Variants in SFMBT2 observed in about 807,000 individuals in gnomAD.
The protein encoded by SFMBT2 is Scm like with four mbt domains 2, also known as scm-like with four MBT domains protein 2.
SFMBT2 carries 38 observed loss-of-function variants against 110.1 expected under a neutral mutation model. The observed-to-expected ratio is 0.35, with a 90% CI of 0.27 to 0.45. SFMBT2 has a LOEUF of 0.45. SFMBT2 is among the 20% of genes least tolerant of loss of function. The pLI, the probability that SFMBT2 is intolerant of heterozygous loss-of-function variation, is 1.00. For missense variants in SFMBT2, 1,011 were observed against 1,094.9 expected, an observed-to-expected ratio of 0.92 and a Z score of 1.08; for synonymous variants, 425 against 425.4, an observed-to-expected ratio of 1.00 and a Z score of 0.01.
intron 7 of SFMBT2, among the ~76,000 whole-genome samples, chr10:7,270,956 G>A (rs1036764912): frequency 6.6e-6 from 1 of 152,092 alleles, no homozygotes; most frequent in Non-Finnish European, 1.5e-5. Context: ...CTAAAAAAGT[G>A]TGCATGTCCA....
intron 15 of SFMBT2, among the ~76,000 whole-genome samples, chr10:7,189,690 C>T (rs1044148200): frequency 1.3e-5 from 2 of 152,162 alleles, no homozygotes; most frequent in East Asian, 1.9e-4. Context: ...AGGAACAAGA[C>T]GGGGGAGCAC....
At chr10:7,164,115 A>G in intron 20 of SFMBT2, 2 of 985,422 alleles carry the variant, frequency 2.0e-6, no homozygotes, top group Non-Finnish European at 1.2e-6. Flanking sequence ...AGCCGGGCAC[A>G]GTGGCTCACG....
chr10:7,175,542 G>C (rs1485219446), intron 17 of SFMBT2, among the ~76,000 whole-genome samples: 2 of 152,166 alleles, frequency 1.3e-5, no homozygotes, highest in Non-Finnish European at 2.9e-5. Flanking sequence ...GTCTAAACAT[G>C]AGAAGCCGAT....
intron 15 of SFMBT2, among the ~76,000 whole-genome samples, chr10:7,195,018 C>A (rs924593428): frequency 2.0e-5 from 3 of 152,224 alleles, no homozygotes; most frequent in Non-Finnish European, 4.4e-5. Flanking sequence ...GGCTTGCAGG[C>A]AGCTTCGAAG....
intron 15 of SFMBT2, among the ~76,000 whole-genome samples, chr10:7,193,234 C>T (rs1293254445): frequency 1.3e-5 from 2 of 152,194 alleles, no homozygotes; most frequent in African/African-American, 4.8e-5. Flanking sequence ...AGTGGAGAGC[C>T]CCTGCCTGCT....
At chr10:7,393,835 C>T (rs191941771) in intron 1 of SFMBT2, among the ~76,000 whole-genome samples, 2 of 152,254 alleles carry the variant, frequency 1.3e-5, no homozygotes, top group Admixed American at 1.3e-4. Flanking sequence ...AACAGCAAAA[C>T]AGAAGATACA....
chr10:7,182,799 T>C (rs766035163), intron 16 of SFMBT2, among the ~76,000 whole-genome samples: 1 of 151,322 alleles, frequency 6.6e-6, no homozygotes. Context: ...CACACCAACA[T>C]GGCACATGTA....
chr10:7,246,138 G>C (rs1246210346), intron 8 of SFMBT2: 3 of 984,728 alleles, frequency 3.0e-6, no homozygotes, highest in Non-Finnish European at 3.6e-6. Context: ...TGGTCAATAA[G>C]AGGAGGGGTG....
intron 7 of SFMBT2, among the ~76,000 whole-genome samples, chr10:7,259,801 C>CACACCA (rs1404734605): frequency 2.0e-5 from 3 of 152,198 alleles, no homozygotes; most frequent in Non-Finnish European, 4.4e-5. Flanking sequence ...TTGGTGTGAT[C>CACACCA]AGCAGTGCCA....
chr10:7,214,388 A>G (rs1839461384), intron 11 of SFMBT2, among the ~76,000 whole-genome samples: 1 of 152,262 alleles, frequency 6.6e-6, no homozygotes, highest in African/African-American at 2.4e-5. Context: ...AAAGGCCAGC[A>G]TAACAGCATG....
At chr10:7,385,726 A>T (rs577042211) in intron 1 of SFMBT2, among the ~76,000 whole-genome samples, 1 of 152,152 alleles carries the variant, frequency 6.6e-6, no homozygotes, top group Non-Finnish European at 1.5e-5. Context: ...CTGGCCAGGC[A>T]CAGTGGCTCA....
intron 4 of SFMBT2, among the ~76,000 whole-genome samples, chr10:7,361,846 T>C (rs1564458355): frequency 6.6e-6 from 1 of 152,186 alleles, no homozygotes; most frequent in Non-Finnish European, 1.5e-5. Context: ...CATACTTACC[T>C]GCAATCTTCC....
chr10:7,330,878 T>C (rs1843542285), intron 4 of SFMBT2, among the ~76,000 whole-genome samples: 1 of 152,244 alleles, frequency 6.6e-6, no homozygotes, highest in African/African-American at 2.4e-5. Context: ...TGATGCTTTT[T>C]CCCCTGTCTA....
intron 4 of SFMBT2, among the ~76,000 whole-genome samples, chr10:7,315,090 AAGAAAGAAAGAAAG>A (rs1289507341): frequency 6.8e-6 from 1 of 145,992 alleles, no homozygotes; most frequent in Admixed American, 6.8e-5. Context: ...GAAAGAAAGA[AAGAAAGAAAGAAAG>A]AAAGAAAAAG....
chr10:7,174,712 G>A (rs1202327715), intron 17 of SFMBT2, among the ~76,000 whole-genome samples: 6 of 152,218 alleles, frequency 3.9e-5, no homozygotes, highest in South Asian at 2.1e-4. Flanking sequence ...CGGCAAAGGC[G>A]AGCCCTCGGT....
rs1335811232 is a variant in SFMBT2, at chr10:7,382,066, T to C, written c.-51-117A>G. On this transcript the variant is annotated intron_variant, in intron 1 of 20. Transcript: ENST00000397167. ...AGTGCCACTACCATTTCATTATAAC[T>C]TTCAAGATGCAACATAATGTTGTAA... The C allele has an allele frequency of 5.8e-6, 3 of 514,304 alleles. No homozygotes were observed. In the Admixed American group the frequency reaches 1.1e-4, roughly 18 times the overall value. The allele number at this position is 514,304 out of a possible 1,614,324, so 31.9% of individuals were successfully genotyped here. A position where few individuals can be genotyped will look rare whatever the true frequency, so the allele number is the denominator to read the frequency against.
intron 16 of SFMBT2, among the ~76,000 whole-genome samples, chr10:7,184,340 A>G (rs1838333258): frequency 6.6e-6 from 1 of 152,122 alleles, no homozygotes; most frequent in Non-Finnish European, 1.5e-5. Flanking sequence ...AAGTCTCACA[A>G]GATCTGATGG....
intron 6 of SFMBT2, 132 bp from the exon 7 acceptor site, chr10:7,277,121 T>C (rs888096335): frequency 8.3e-6 from 5 of 602,356 alleles, no homozygotes; most frequent in South Asian, 2.0e-5. Flanking sequence ...TCACACCCCA[T>C]ACCCACCATG....
chr10:7,277,389 C>G (rs997923982), intron 6 of SFMBT2: 2 of 237,912 alleles, frequency 8.4e-6, no homozygotes, highest in Non-Finnish European at 1.4e-5. Context: ...TTCTAAACTA[C>G]AAACGACTCT....
Sources: gnomAD v4.1 joint callset for allele counts (sites outside exome capture counted in the v4.1 genomes callset) on GRCh38, gnomAD v4.1.1 for gene constraint, MANE v1.5 for transcripts, NCBI Gene and HGNC (gene_info 2026-07-23, HGNC 2026-07-21) for gene names.